The following RC3H2 variants were observed in gnomAD, a reference collection of about 807,000 sequenced individuals.
RC3H2 encodes the protein ring finger and CCCH-type domains 2, also known as roquin-2.
In RC3H2, 31 loss-of-function variants were observed where a neutral mutation model predicts 133.3. That is an observed-to-expected ratio of 0.23 (90% CI 0.17 to 0.31). RC3H2 has a LOEUF of 0.31. RC3H2 is among the 10% of genes least tolerant of loss of function. The probability of loss-of-function intolerance (pLI) is 1.00; values close to 1 mark genes in which losing one functional copy is unlikely to be tolerated. For missense variants in RC3H2, 1,175 were observed against 1,437.2 expected (o/e 0.82, Z 2.95); for synonymous variants, 517 against 502.2 (o/e 1.03, Z -0.40).
chr9:122,870,310 G>C (rs1360060153), intron 9 of RC3H2, among the ~76,000 whole-genome samples: 1 of 151,912 alleles, frequency 6.6e-6, no homozygotes, highest in Non-Finnish European at 1.5e-5. Context: ...GGGAGACAGA[G>C]GTTGCAGTGA....
intron 5 of RC3H2, among the ~76,000 whole-genome samples, chr9:122,882,414 G>A (rs572498669): frequency 6.6e-6 from 1 of 152,270 alleles, no homozygotes; most frequent in South Asian, 2.1e-4. Flanking sequence ...ACATTTTTCT[G>A]TCTGTACTAT....
Position 122,880,121 on chromosome 9 carries a change from T to A in RC3H2, c.965A>T (p.Gln322Leu). ...SHMQSIIDKLQSPESFAKSVQ... is the reference protein window; with the variant it reads ...SHMQSIIDKLLSPESFAKSVQ... The stretch of plus-strand genomic sequence containing the variant: ...ACTCTTTGCAAATGACTCTGGAGAC[T>A]GTAGCTAACAAACAGAAATGAGAAT... Residue 322 changes from glutamine (Q) to leucine (L), a missense_variant, in exon 7 of 21, where the codon CAG (glutamine) becomes CTG (leucine). Around this residue, in one of 8 missense-constraint regions of RC3H2, gnomAD observed 131 missense variants for 154.2 expected, o/e 0.85. Transcript: ENST00000357244. 6.2e-7 allele frequency: 1 copy of A among 1,614,124 alleles called. No homozygotes were observed. Among genetic ancestry groups the A allele is most frequent in the South Asian group, 1.1e-5 (1 of 91,062 alleles).
chr9:122,868,735 C>A (rs1238404794), intron 9 of RC3H2, among the ~76,000 whole-genome samples: 2 of 149,306 alleles, frequency 1.3e-5, no homozygotes, highest in Non-Finnish European at 3.0e-5. Flanking sequence ...CAAGAATGAT[C>A]AATAAAAAAT....
At chr9:122,883,148 C>T (rs1407443580) in intron 5 of RC3H2, 56 bp downstream of exon 5, 7 of 1,512,916 alleles carry the variant, frequency 4.6e-6, no homozygotes, top group Non-Finnish European at 5.4e-6. Flanking sequence ...ACATGAATTT[C>T]AGGAAGTCTC....
In RC3H2 at chr9:122,880,739, C is replaced by T. The variant is rs528684986; in HGVS notation, c.815G>A (p.Ser272Asn). 4 of 1,614,116 alleles carry T rather than the reference C, an allele frequency of 2.5e-6. No homozygotes were observed. In the South Asian group the frequency reaches 3.3e-5, roughly 13 times the overall value. Reference protein sequence around the residue: ...SLMQLKEEFRSYEALRREHDA... With the variant: ...SLMQLKEEFRNYEALRREHDA... ...ATGTTCTCTGCGTAATGCTTCATAA[C>T]TCCGAAATTCCTCCTTCAGCTGCAT... Residue 272 changes from serine (S) to asparagine (N), a missense_variant, in exon 6 of 21, where the codon AGT (serine) becomes AAT (asparagine). Coordinates refer to ENST00000357244, the MANE Select transcript of RC3H2 (RefSeq NM_001100588.3).
chr9:122,859,540 G>T (rs552356312), intron 11 of RC3H2, among the ~76,000 whole-genome samples: 5 of 152,168 alleles, frequency 3.3e-5, no homozygotes, highest in African/African-American at 1.2e-4. Context: ...TTTTGGATTA[G>T]TCAGTTATAT....
At chr9:122,905,066 C>T in intron 1 of RC3H2, 44 bp downstream of exon 1, 1 of 984,354 alleles carries the variant, frequency 1.0e-6, no homozygotes, top group South Asian at 4.7e-5. Flanking sequence ...GGACCAGGCA[C>T]CCGGGCTGGG....
chr9:122,886,882 T>C (rs1187948517), intron 4 of RC3H2, among the ~76,000 whole-genome samples: 1 of 152,234 alleles, frequency 6.6e-6, no homozygotes, highest in Non-Finnish European at 1.5e-5. Context: ...TTTTTGTTTC[T>C]GAGCTGTAGA....
rs1248374594 is a variant in RC3H2, at chr9:122,849,643, T to C, written c.3560A>G (p.Lys1187Arg). 3.1e-6 allele frequency: 5 copies of C among 1,612,768 alleles called. No homozygotes were observed. The highest frequency in any genetic ancestry group is 4.2e-6 in the Non-Finnish European group (5 of 1,179,364). ...AACCTCCTTTCAGCTGTTAACCATC[T>C]TCCCATTTGCAACAGGTTTTAAAAA... ...NDFLKPVANG[K>R]MVNS The change falls in exon 21 of 21, where the codon AAG becomes AGG. Residue 1187 changes from lysine (K) to arginine (R), a missense_variant. By Grantham distance (26) the Lys-to-Arg change is conservative. This residue lies in a region of RC3H2 where 220 missense variants were observed against 201.1 expected (regional missense o/e 1.09). Transcript: ENST00000357244.
intron 12 of RC3H2, among the ~76,000 whole-genome samples, chr9:122,858,370 A>C (rs1302305208): frequency 6.6e-6 from 1 of 152,234 alleles, no homozygotes; most frequent in Non-Finnish European, 1.5e-5. Flanking sequence ...TGTATTTTTA[A>C]GATTTCTTTC....
chr9:122,864,981 A>G (rs1830584554), intron 10 of RC3H2, among the ~76,000 whole-genome samples: 1 of 152,136 alleles, frequency 6.6e-6, no homozygotes, highest in Admixed American at 6.6e-5. Context: ...AAACAGAGCT[A>G]GAGGCTCAGC....
chr9:122,874,973 T>A, intron 9 of RC3H2: 1 of 510,306 alleles, frequency 2.0e-6, no homozygotes, highest in Non-Finnish European at 3.3e-6. Flanking sequence ...GAGGGTGGAA[T>A]GGCAATGAAA....
rs1374449188 is a variant in RC3H2 at position 122,844,847 on chromosome 9, A to G, written c.*4780T>C. The G allele has an allele frequency of 6.6e-6, 1 of 152,242 alleles. No individual in the cohort carries two copies. Among genetic ancestry groups the G allele is most frequent in the African/African-American group, 2.4e-5 (1 of 41,450 alleles). 9.4% of individuals were successfully genotyped at this position (152,242 alleles called of 1,614,324 possible). On this transcript the variant is annotated 3_prime_UTR_variant, in exon 21 of 21. Coordinates refer to ENST00000357244, the MANE Select transcript of RC3H2 (RefSeq NM_001100588.3). ...TCCTATTCCTATAGCACAAAGGGAA[A>G]CATTACAATTTGGAAATTCAAATTG...
intron 18 of RC3H2, 129 bp downstream of exon 18, chr9:122,853,823 A>C: frequency 1.3e-6 from 2 of 1,543,082 alleles, no homozygotes; most frequent in South Asian, 2.4e-5. Context: ...TTCTGTTATA[A>C]GTTTTAAAAG....
intron 9 of RC3H2, chr9:122,875,186 C>T (rs763597772): frequency 6.4e-7 from 1 of 1,550,944 alleles, no homozygotes; most frequent in South Asian, 1.2e-5. Context: ...ATCCTCTTCT[C>T]TAGGCACTTC....
At chr9:122,854,148 AT>A (rs757928955) in intron 17 of RC3H2, 36 bp downstream of exon 17, 1 of 1,611,950 alleles carries the variant, frequency 6.2e-7, no homozygotes, top group Admixed American at 1.7e-5. Flanking sequence ...CTGTCATTCT[AT>A]TTCTCAAAAA....
chr9:122,851,766 C>T (rs1251844154), intron 18 of RC3H2, among the ~76,000 whole-genome samples: 11 of 152,146 alleles, frequency 7.2e-5, no homozygotes, highest in Admixed American at 3.3e-4. Context: ...CCCGAGGTGC[C>T]GGGATTGCAG....
Position 122,893,039 on chromosome 9 carries a change from A to G in RC3H2, c.232-13T>C, listed in dbSNP as rs761262631. 1 of 1,597,354 alleles carries G rather than the reference A, an allele frequency of 6.3e-7. No homozygotes were observed. The highest frequency in any genetic ancestry group is 2.2e-5 in the East Asian group (1 of 44,776). ...GATGATCTGGTACCTTAAAAAAAAA[A>G]AAAAAGGAATATTGCAGAAATACAT... On this transcript the variant is annotated splice_polypyrimidine_tract_variant and intron_variant, in intron 2 of 20. Coordinates refer to ENST00000357244, the MANE Select transcript of RC3H2 (RefSeq NM_001100588.3).
chr9:122,905,312 G>GCCTCCT lies in RC3H2; in HGVS notation c.-276_-271dup, dbSNP rs796650577. On this transcript the variant is annotated 5_prime_UTR_variant, in exon 1 of 21. Coordinates refer to ENST00000357244, the MANE Select transcript of RC3H2 (RefSeq NM_001100588.3). ...GCCTCCTCCTCCTCCCTCCACCTCCGCCTCCTCCTCCTCCTCCTCCTCACC... is the reference window on the plus strand; with the variant it reads ...GCCTCCTCCTCCTCCCTCCACCTCCGCCTCCTCCTCCTCCTCCTCCTCCTCCTCACC... 1.1e-3 allele frequency: 1,041 copies of GCCTCCT among 979,722 alleles called. 2 individuals carry two copies. The highest frequency in any genetic ancestry group is 1.2e-3 in the Non-Finnish European group (955 of 824,694). 60.7% of individuals were successfully genotyped at this position (979,722 alleles called of 1,614,324 possible).
Sources: allele counts gnomAD v4.1 joint callset (sites outside exome capture counted in the v4.1 genomes callset), GRCh38; gene constraint gnomAD v4.1.1; regional missense constraint gnomAD v4.1.1; transcripts MANE v1.5; gene names NCBI Gene and HGNC (gene_info 2026-07-23, HGNC 2026-07-21).